Variants in NRXN3 observed in about 807,000 individuals in gnomAD.
NRXN3 encodes neurexin III.
In NRXN3, 32 loss-of-function variants were observed where a neutral mutation model predicts 137.6. The ratio of observed to expected loss-of-function variants is 0.23; its 90% CI spans 0.18 to 0.31. The LOEUF (loss-of-function observed/expected upper bound fraction) is 0.31, where lower values mean the gene tolerates loss of function less well. Ranked by LOEUF, NRXN3 falls within the 10% of genes least tolerant of loss-of-function variation. NRXN3 has a pLI of 1.00. For synonymous variants in NRXN3, 798 were observed against 784.5 expected (o/e 1.02, Z -0.29); for missense variants, 1,574 against 2,062.5 (o/e 0.76, Z 4.59).
intron 15 of NRXN3, among the ~76,000 whole-genome samples, chr14:79,013,995 A>G (rs2099575182): frequency 6.6e-6 from 1 of 152,220 alleles, no homozygotes; most frequent in South Asian, 2.1e-4. Context: ...GTTCTTCTCT[A>G]AGACTTTGTA....
At chr14:79,710,883 A>C (rs941172079) in intron 19 of NRXN3, among the ~76,000 whole-genome samples, 56 of 152,214 alleles carry the variant, frequency 3.7e-4, no homozygotes, top group Non-Finnish European at 2.6e-4. Context: ...TTTCTGCTTT[A>C]GAGGAACACA....
At chr14:79,697,519 C>A in intron 18 of NRXN3, 111 bp from the exon 19 acceptor site, 1 of 1,119,846 alleles carries the variant, frequency 8.9e-7, no homozygotes, top group Non-Finnish European at 1.3e-6. Flanking sequence ...TTTTTTCCTC[C>A]CCTTCAATTG....
rs565282801 is a variant in NRXN3 at position 79,127,197 on chromosome 14, A to G, written c.3262+139056A>G. Among the ~76,000 whole-genome samples the G allele has an allele frequency of 2.5e-4, 38 of 152,110 alleles. No individual in the cohort carries two copies. The East Asian group carries it at 6.4e-3, about 26-fold the overall frequency. ...TAGTTTAATTAGATCCCATTTGTCA[A>G]TTTTGGCTTTGGTTGCCATTGCTTT... On this transcript the variant is annotated intron_variant, in intron 15 of 20. Coordinates refer to ENST00000335750, the MANE Select transcript of NRXN3 (RefSeq NM_001330195.2).
Position 78,381,518 on chromosome 14 carries a change from A to G in NRXN3, c.757+83658A>G, listed in dbSNP as rs565391991. Among the ~76,000 whole-genome samples, 54 of 152,334 alleles carry G rather than the reference A, an allele frequency of 3.5e-4. No homozygotes were observed. In the South Asian group the frequency reaches 0.011, roughly 30 times the overall value. ...AACCACTCTGGAAGAGAGTTTGACA[A>G]TTTTTAAAAACTAAACATGCAATAA... On this transcript the variant is annotated intron_variant, in intron 4 of 20. Transcript: ENST00000335750.
intron 4 of NRXN3, among the ~76,000 whole-genome samples, chr14:78,630,443 C>T (rs1206642124): frequency 6.6e-6 from 1 of 152,086 alleles, no homozygotes; most frequent in African/African-American, 2.4e-5. Flanking sequence ...TACAAGGGTT[C>T]CAGAGTGATG....
chr14:78,535,980 C>G (rs2096531949), intron 4 of NRXN3, among the ~76,000 whole-genome samples: 1 of 151,958 alleles, frequency 6.6e-6, no homozygotes, highest in South Asian at 2.1e-4. Context: ...GCCATGTGTT[C>G]TATTCTGCTC....
intron 15 of NRXN3, among the ~76,000 whole-genome samples, chr14:79,182,901 A>T (rs2063095694): frequency 6.6e-6 from 1 of 152,248 alleles, no homozygotes; most frequent in African/African-American, 2.4e-5. Flanking sequence ...CTCACCATTT[A>T]AAAATTATAT....
chr14:79,077,550 C>T (rs979801795), intron 15 of NRXN3, among the ~76,000 whole-genome samples: 1 of 152,058 alleles, frequency 6.6e-6, no homozygotes, highest in African/African-American at 2.4e-5. Context: ...TCCACATGGG[C>T]CATTTGAAAA....
At chr14:78,612,765 T>C (rs986688380) in intron 4 of NRXN3, among the ~76,000 whole-genome samples, 2 of 152,258 alleles carry the variant, frequency 1.3e-5, no homozygotes, top group African/African-American at 4.8e-5. Context: ...TCCTGCATAC[T>C]GAAACTCTTC....
intron 15 of NRXN3, among the ~76,000 whole-genome samples, chr14:79,380,978 A>G (rs1162492227): frequency 6.6e-6 from 1 of 152,062 alleles, no homozygotes; most frequent in African/African-American, 2.4e-5. Context: ...GTAGTTGAGA[A>G]TCCATTACTG....
intron 3 of NRXN3, 88 bp downstream of exon 3, chr14:78,278,750 G>A (rs1345777746): frequency 1.8e-6 from 2 of 1,082,382 alleles, no homozygotes; most frequent in African/African-American, 3.1e-5. Context: ...CTTTTATAGA[G>A]ACAAAATTCT....
At chr14:78,457,183 T>G (rs1209598030) in intron 4 of NRXN3, among the ~76,000 whole-genome samples, 3 of 151,860 alleles carry the variant, frequency 2.0e-5, no homozygotes, top group African/African-American at 7.3e-5. Context: ...GAATTACAAG[T>G]GCACACCACC....
At chr14:79,699,562 CCT>C (rs1176257848) in intron 19 of NRXN3, among the ~76,000 whole-genome samples, 2 of 151,962 alleles carry the variant, frequency 1.3e-5, no homozygotes, top group Admixed American at 1.3e-4. Context: ...GGCTTTCCCT[CCT>C]GTAGCACATA....
chr14:79,816,566 T>C (rs1275288962), intron 20 of NRXN3, among the ~76,000 whole-genome samples: 1 of 152,228 alleles, frequency 6.6e-6, no homozygotes, highest in Admixed American at 6.5e-5. Context: ...TTTACTAACA[T>C]TGACAATGAA....
At chr14:79,427,717 G>A (rs541676431) in intron 15 of NRXN3, among the ~76,000 whole-genome samples, 8 of 151,704 alleles carry the variant, frequency 5.3e-5, no homozygotes, top group Admixed American at 2.0e-4. Context: ...CTGTAATCCC[G>A]GCTACTCAGG....
chr14:78,553,288 C>A (rs747907116), intron 4 of NRXN3, among the ~76,000 whole-genome samples: 1 of 152,128 alleles, frequency 6.6e-6, no homozygotes, highest in Non-Finnish European at 1.5e-5. Flanking sequence ...TATAAAAAAT[C>A]CAGCCTCTAG....
At chr14:79,704,820 G>A (rs1005464019) in intron 19 of NRXN3, among the ~76,000 whole-genome samples, 1 of 152,116 alleles carries the variant, frequency 6.6e-6, no homozygotes, top group Non-Finnish European at 1.5e-5. Context: ...AAGATTCTCT[G>A]GTGACATTTA....
At chr14:78,317,903 T>C (rs138901152) in intron 4 of NRXN3, among the ~76,000 whole-genome samples, 28 of 152,326 alleles carry the variant, frequency 1.8e-4, no homozygotes, top group African/African-American at 6.5e-4. Flanking sequence ...GAAAATGCAC[T>C]AAAGAGTTGG....
At chr14:78,640,514 G>A (rs2097613755) in intron 4 of NRXN3, among the ~76,000 whole-genome samples, 1 of 152,108 alleles carries the variant, frequency 6.6e-6, no homozygotes, top group Admixed American at 6.5e-5. Context: ...ATAACACTGA[G>A]TATTTTAATC....
Sources: gnomAD v4.1 joint callset for allele counts (sites outside exome capture counted in the v4.1 genomes callset) on GRCh38, gnomAD v4.1.1 for gene constraint, MANE v1.5 for transcripts, NCBI Gene and HGNC (gene_info 2026-07-23, HGNC 2026-07-21) for gene names.